WDR72: variants seen among roughly 807,000 people sequenced by gnomAD.
WDR72 encodes WD repeat domain 72.
Under a neutral mutation model 124.2 loss-of-function variants are expected in WDR72, and 120 were observed. That is an observed-to-expected ratio of 0.97 (90% CI 0.83 to 1.12). The LOEUF (loss-of-function observed/expected upper bound fraction) is 1.12. WDR72 is among the 50% of genes most tolerant of loss of function. WDR72 has a pLI of 0.00. For synonymous variants in WDR72, 452 were observed against 441.7 expected, an observed-to-expected ratio of 1.02 and a Z score of -0.29; for missense variants, 1,387 against 1,278.8, an observed-to-expected ratio of 1.08 and a Z score of -1.29.
chr15:53,572,750 T>C (rs1332945990), intron 18 of WDR72, among the ~76,000 whole-genome samples: 2 of 152,204 alleles, frequency 1.3e-5, no homozygotes, highest in Non-Finnish European at 2.9e-5. Flanking sequence ...GACTGATACT[T>C]GGATTTAAAA....
intron 2 of WDR72, among the ~76,000 whole-genome samples, chr15:53,729,567 C>G (rs753296388): frequency 6.6e-6 from 1 of 151,940 alleles, no homozygotes; most frequent in Non-Finnish European, 1.5e-5. Context: ...TCCAGATGAG[C>G]CTGTCACCTC....
At chr15:53,577,618 G>T (rs1023557434) in intron 18 of WDR72, among the ~76,000 whole-genome samples, 2 of 152,112 alleles carry the variant, frequency 1.3e-5, no homozygotes, top group African/African-American at 4.8e-5. Flanking sequence ...TTCCAGGAAA[G>T]AATGTTTATC....
At chr15:53,645,133 A>G (rs1034166396) in intron 14 of WDR72, among the ~76,000 whole-genome samples, 5 of 152,148 alleles carry the variant, frequency 3.3e-5, no homozygotes, top group African/African-American at 9.7e-5. Context: ...ATCTAACTAT[A>G]TATCAGCCCT....
rs1487390180 is a variant in WDR72, at chr15:53,610,764, T to C, written c.2873-1172A>G. ...ATGACCAAGAACACTATATAAAACA[T>C]GGAAGTATGGTAGAAGATTATAATT... On this transcript the variant is annotated intron_variant, in intron 16 of 19. Coordinates refer to ENST00000360509, the MANE Select transcript of WDR72 (RefSeq NM_182758.4). Among the ~76,000 whole-genome samples, 6 of 152,218 alleles carry C rather than the reference T, an allele frequency of 3.9e-5. No individual in the cohort carries two copies. In the East Asian group the frequency reaches 1.2e-3, roughly 29 times the overall value.
At chr15:53,743,226 G>A (rs1046766130) in intron 1 of WDR72, among the ~76,000 whole-genome samples, 34 of 151,906 alleles carry the variant, frequency 2.2e-4, no homozygotes, top group South Asian at 1.5e-3. Flanking sequence ...TTTATTTTAG[G>A]TGTAATAATT....
chr15:53,646,533 C>A (rs1012380796), intron 14 of WDR72, among the ~76,000 whole-genome samples: 1 of 151,912 alleles, frequency 6.6e-6, no homozygotes, highest in Non-Finnish European at 1.5e-5. Flanking sequence ...ACAAAATTAC[C>A]AAAGGCCAGT....
intron 13 of WDR72, among the ~76,000 whole-genome samples, chr15:53,689,519 C>G (rs1435463337): frequency 6.7e-6 from 1 of 148,590 alleles, no homozygotes. Context: ...CAATGAGATA[C>G]CATCTCACAC....
intron 3 of WDR72, among the ~76,000 whole-genome samples, chr15:53,718,190 G>A (rs1208896779): frequency 6.8e-6 from 1 of 147,826 alleles, no homozygotes; most frequent in Non-Finnish European, 1.5e-5. Flanking sequence ...ATGACTCTGT[G>A]TTGGGATCCT....
chr15:53,680,641 C>T (rs955145044), intron 13 of WDR72, among the ~76,000 whole-genome samples: 4 of 152,124 alleles, frequency 2.6e-5, no homozygotes, highest in African/African-American at 9.7e-5. Flanking sequence ...AACCTTAACC[C>T]CATAAATTTT....
chr15:53,531,783 G>T (rs1268252439), intron 18 of WDR72, among the ~76,000 whole-genome samples: 2 of 49,908 alleles, frequency 4.0e-5, no homozygotes, highest in African/African-American at 8.3e-5. Flanking sequence ...GGAAACAAAA[G>T]GTTAAGAGAT....
At chr15:53,733,296 C>T in intron 1 of WDR72, 135 bp from the exon 2 acceptor site, 1 of 930,050 alleles carries the variant, frequency 1.1e-6, no homozygotes, top group Admixed American at 2.1e-5. Context: ...AAGGGTGTTT[C>T]CCCGTCAATT....
chr15:53,685,492 G>A (rs1426005144), intron 13 of WDR72, among the ~76,000 whole-genome samples: 11 of 139,240 alleles, frequency 7.9e-5, no homozygotes, highest in Non-Finnish European at 1.1e-4. Context: ...GAAATGAAGC[G>A]AGAAGGGAAG....
intron 18 of WDR72, among the ~76,000 whole-genome samples, chr15:53,558,664 T>TC (rs1894014494): frequency 6.6e-6 from 1 of 152,010 alleles, no homozygotes; most frequent in Non-Finnish European, 1.5e-5. Flanking sequence ...AAAGTTAAAG[T>TC]CCACTCACTA....
At chr15:53,664,229 A>G (rs2015702990) in intron 14 of WDR72, among the ~76,000 whole-genome samples, 1 of 152,174 alleles carries the variant, frequency 6.6e-6, no homozygotes, top group African/African-American at 2.4e-5. Flanking sequence ...ACCCTGTATT[A>G]CAATTTCCCC....
At chr15:53,731,972 A>C (rs1359425743) in intron 2 of WDR72, among the ~76,000 whole-genome samples, 2 of 152,220 alleles carry the variant, frequency 1.3e-5, no homozygotes, top group Non-Finnish European at 2.9e-5. Context: ...AAAATAATAC[A>C]CTTAAACATT....
At chr15:53,716,777 G>C in intron 3 of WDR72, 92 bp from the exon 4 acceptor site, 1 of 418,572 alleles carries the variant, frequency 2.4e-6, no homozygotes, top group Admixed American at 3.0e-5. Flanking sequence ...TTAGCAGCCT[G>C]ATCATTTATG....
chr15:53,601,084 A>G (rs1033994015), intron 17 of WDR72, among the ~76,000 whole-genome samples: 5 of 152,302 alleles, frequency 3.3e-5, no homozygotes, highest in Non-Finnish European at 7.3e-5. Context: ...AAAATGAAAG[A>G]AAAATTGTTA....
At chr15:53,581,236 T>C (rs1040273601) in intron 18 of WDR72, among the ~76,000 whole-genome samples, 2 of 152,098 alleles carry the variant, frequency 1.3e-5, no homozygotes, top group Admixed American at 6.6e-5. Flanking sequence ...AAGTACTCTT[T>C]CTGCTTTCTT....
intron 13 of WDR72, among the ~76,000 whole-genome samples, chr15:53,675,017 T>C (rs2016119249): frequency 6.6e-6 from 1 of 152,216 alleles, no homozygotes; most frequent in Non-Finnish European, 1.5e-5. Context: ...AATGCATTAA[T>C]TTTCAACACA....
Sources: allele counts gnomAD v4.1 joint callset (sites outside exome capture counted in the v4.1 genomes callset), GRCh38; gene constraint gnomAD v4.1.1; transcripts MANE v1.5; gene names NCBI Gene and HGNC (gene_info 2026-07-23, HGNC 2026-07-21).